The following RIOK1 variants were observed in gnomAD, a reference collection of about 807,000 sequenced individuals.
The protein encoded by RIOK1 is RIO kinase 1.
RIOK1 carries 66 observed loss-of-function variants against 73.5 expected under a neutral mutation model. The ratio of observed to expected loss-of-function variants is 0.90; its 90% CI spans 0.74 to 1.10. The LOEUF is 1.10. Ranked by LOEUF, RIOK1 falls within the 50% of genes least tolerant of loss-of-function variation. The pLI, the probability that RIOK1 is intolerant of heterozygous loss-of-function variation, is 0.00. For synonymous variants in RIOK1, 224 were observed against 226.8 expected (o/e 0.99, Z 0.11); for missense variants, 658 against 699.8 (o/e 0.94, Z 0.67).
In RIOK1 at chr6:7,396,779, A is replaced by G. The variant is rs755536994; in HGVS notation, c.437+7A>G. 6.9e-6 allele frequency: 10 copies of G among 1,453,758 alleles called. No homozygotes were observed. In the South Asian group the frequency reaches 1.2e-4, roughly 17 times the overall value. 90.1% of individuals were successfully genotyped at this position (1,453,758 alleles called of 1,614,324 possible). On this transcript the variant is annotated splice_region_variant and intron_variant, in intron 4 of 16. Transcript: ENST00000379834. ...GACAAAAGGAAGCAGATATGTAAGTAATATTTTAATAATATGCATGGGTGA... is the reference window on the plus strand; with the variant it reads ...GACAAAAGGAAGCAGATATGTAAGTGATATTTTAATAATATGCATGGGTGA...
At chr6:7,416,645 A>G (rs940098141) in intron 16 of RIOK1, among the ~76,000 whole-genome samples, 23 of 149,138 alleles carry the variant, frequency 1.5e-4, no homozygotes, top group African/African-American at 5.2e-4. Flanking sequence ...CTCCGTCTCA[A>G]AAAAAAAAAA....
chr6:7,410,299 T>C, intron 12 of RIOK1, 87 bp from the exon 13 acceptor site: 1 of 899,458 alleles, frequency 1.1e-6, no homozygotes, highest in South Asian at 1.4e-5. Flanking sequence ...TTAAAAAGAC[T>C]GGAACAATTT....
intron 15 of RIOK1, 61 bp downstream of exon 15, chr6:7,413,003 T>A: frequency 1.2e-6 from 1 of 836,588 alleles, no homozygotes; most frequent in Non-Finnish European, 1.9e-6. Flanking sequence ...ATATAAACTC[T>A]AGTCATACTG....
chr6:7,410,983 C>T (rs558898049), intron 13 of RIOK1, among the ~76,000 whole-genome samples: 16 of 152,290 alleles, frequency 1.1e-4, no homozygotes, highest in African/African-American at 3.1e-4. Flanking sequence ...AGCCAGGCAG[C>T]GCTTGCCAAC....
Position 7,395,107 on chromosome 6 carries a change from A to G in RIOK1, c.331A>G (p.Lys111Glu), listed in dbSNP as rs200484094. Residue 111 changes from lysine to glutamate, a missense_variant, in exon 3 of 17, where the codon AAG becomes GAG. Transcript: ENST00000379834. ...AGCCAAAATGTCTACTCCAGCAGACAAGGTCTTACGGAAATTTGAGAATAA... is the reference window on the plus strand; with the variant it reads ...AGCCAAAATGTCTACTCCAGCAGACGAGGTCTTACGGAAATTTGAGAATAA... ...SSAKMSTPADKVLRKFENKIN... is the reference protein window; with the variant it reads ...SSAKMSTPADEVLRKFENKIN... 3 of 1,613,834 alleles carry G rather than the reference A, an allele frequency of 1.9e-6. No individual in the cohort carries two copies. The highest frequency in any genetic ancestry group is 2.5e-6 in the Non-Finnish European group (3 of 1,179,782).
At chr6:7,398,392 A>G (rs375876446) in intron 4 of RIOK1, among the ~76,000 whole-genome samples, 29 of 152,000 alleles carry the variant, frequency 1.9e-4, no homozygotes, top group Non-Finnish European at 4.3e-4. Context: ...AATATACTCA[A>G]TGTTTTCTCT....
chr6:7,409,542 G>A (rs1226286410), intron 12 of RIOK1, among the ~76,000 whole-genome samples: 1 of 151,926 alleles, frequency 6.6e-6, no homozygotes, highest in East Asian at 1.9e-4. Flanking sequence ...GTGAGCCTCA[G>A]CCTCCCAAAG....
At chr6:7,404,319 C>A in intron 9 of RIOK1, 99 bp from the exon 10 acceptor site, 1 of 1,358,462 alleles carries the variant, frequency 7.4e-7, no homozygotes, top group Non-Finnish European at 1.0e-6. Context: ...CCACATACAG[C>A]TCACATGATG....
chr6:7,390,041 C>G lies in RIOK1; in HGVS notation c.39C>G (p.Pro13=). Residue 13 remains proline, a synonymous_variant, in exon 1 of 17, where the codon CCC becomes CCG. Transcript: ENST00000379834. ...YRRLLMSRVV[P]GQFDDADSSD... Reference sequence around the variant, plus strand: ...GGCTTCTCATGAGCCGGGTGGTCCCCGGGCAATTCGACGACGCGGACTCCT... The same window carrying G: ...GGCTTCTCATGAGCCGGGTGGTCCCGGGGCAATTCGACGACGCGGACTCCT... 6.4e-7 allele frequency: 1 copy of G among 1,558,940 alleles called. No individual in the cohort carries two copies. The highest frequency in any genetic ancestry group is 8.7e-7 in the Non-Finnish European group (1 of 1,151,472).
At chr6:7,405,613 A>G (rs1761725126) in intron 12 of RIOK1, among the ~76,000 whole-genome samples, 1 of 152,134 alleles carries the variant, frequency 6.6e-6, no homozygotes, top group South Asian at 2.1e-4. Flanking sequence ...TTTGATTTTT[A>G]GATTTGGGAT....
chr6:7,409,359 A>G (rs1428620353), intron 12 of RIOK1, among the ~76,000 whole-genome samples: 2 of 151,194 alleles, frequency 1.3e-5, no homozygotes, highest in East Asian at 2.0e-4. Flanking sequence ...GGTTCAAGTG[A>G]TTCTCCTGCC....
intron 15 of RIOK1, among the ~76,000 whole-genome samples, 171 bp downstream of exon 15, chr6:7,413,113 A>G (rs959655466): frequency 6.6e-6 from 1 of 152,194 alleles, no homozygotes; most frequent in African/African-American, 2.4e-5. Flanking sequence ...CAGAAATGCC[A>G]TTTTTGTGTT....
chr6:7,395,204 G>A lies in RIOK1; in HGVS notation c.367+61G>A, dbSNP rs1295327128. ...CATTTTTCAAAAACCATGGAGTGTT[G>A]TATAATTTTATTAGATCAAGAAATG... is the stretch of plus-strand genomic sequence containing the variant. On this transcript the variant is annotated intron_variant, in intron 3 of 16. Coordinates refer to ENST00000379834, the MANE Select transcript of RIOK1 (RefSeq NM_031480.3). 5.2e-6 allele frequency: 8 copies of A among 1,539,602 alleles called. No individual in the cohort carries two copies. In the Admixed American group the frequency reaches 1.5e-4, roughly 29 times the overall value.
intron 11 of RIOK1, 39 bp from the exon 12 acceptor site, chr6:7,405,210 C>G (rs1454684578): frequency 7.6e-7 from 1 of 1,312,654 alleles, no homozygotes; most frequent in Non-Finnish European, 1.1e-6. Flanking sequence ...TAATATTTTT[C>G]CTCATAAAAG....
intron 3 of RIOK1, 110 bp downstream of exon 3, chr6:7,395,253 C>T (rs1331904023): frequency 8.1e-7 from 1 of 1,233,980 alleles, no homozygotes; most frequent in Non-Finnish European, 1.1e-6. Context: ...GTGGCTCACG[C>T]CTGTAATCCC....
At chr6:7,415,940 C>T (rs1423123627) in intron 16 of RIOK1, among the ~76,000 whole-genome samples, 2 of 152,024 alleles carry the variant, frequency 1.3e-5, no homozygotes, top group Non-Finnish European at 2.9e-5. Context: ...TAAATTAAAC[C>T]TCATCATAGG....
intron 13 of RIOK1, 73 bp from the exon 14 acceptor site, chr6:7,411,259 A>T (rs1240646739): frequency 6.6e-7 from 1 of 1,519,282 alleles, no homozygotes; most frequent in Non-Finnish European, 9.1e-7. Flanking sequence ...CTGTAACCTG[A>T]TGGAGGAGTA....
chr6:7,403,506 C>T (rs1761664275), intron 8 of RIOK1, among the ~76,000 whole-genome samples: 1 of 152,190 alleles, frequency 6.6e-6, no homozygotes, highest in Admixed American at 6.5e-5. Flanking sequence ...ACAGGTGACA[C>T]ATTGGATAGT....
At chr6:7,398,629 A>G in intron 4 of RIOK1, 69 bp from the exon 5 acceptor site, 1 of 1,147,816 alleles carries the variant, frequency 8.7e-7, no homozygotes. Flanking sequence ...GAAATTATCT[A>G]CATTTAGAAG....
Sources: gnomAD v4.1 joint callset for allele counts (sites outside exome capture counted in the v4.1 genomes callset) on GRCh38, gnomAD v4.1.1 for gene constraint, MANE v1.5 for transcripts, NCBI Gene and HGNC (gene_info 2026-07-23, HGNC 2026-07-21) for gene names.